The following FBXO31 variants were observed in gnomAD, a reference collection of about 807,000 sequenced individuals.
FBXO31 encodes F-box protein 31.
A neutral mutation model predicts 54.4 loss-of-function variants in FBXO31; 24 were observed. That is an observed-to-expected ratio of 0.44 (90% CI 0.32 to 0.62). FBXO31 has a LOEUF of 0.62. Ranked by LOEUF, FBXO31 falls within the 20% of genes least tolerant of loss-of-function variation. The pLI, the probability that FBXO31 is intolerant of heterozygous loss-of-function variation, is 0.05. For synonymous variants in FBXO31, 388 were observed against 335.6 expected, an observed-to-expected ratio of 1.16 and a Z score of -1.71; for missense variants, 665 against 787.1, an observed-to-expected ratio of 0.84 and a Z score of 1.86.
intron 1 of FBXO31, among the ~76,000 whole-genome samples, chr16:87,365,038 T>TATATATATATATATATATATATATATA (rs1031091236): frequency 9.0e-6 from 1 of 110,816 alleles, no homozygotes; most frequent in African/African-American, 3.4e-5. Flanking sequence ...TATATATATA[T>TATATATATATATATATATATATATATA]ATCAGGCAGG....
chr16:87,331,048 GC>G lies in FBXO31; in HGVS notation c.*239del. 3 of 507,226 alleles carry G rather than the reference GC, an allele frequency of 5.9e-6. No homozygotes were observed. In the South Asian group the frequency reaches 6.9e-5, roughly 12 times the overall value. 31.4% of individuals were successfully genotyped at this position (507,226 alleles called of 1,614,324 possible). A position where few individuals can be genotyped will look rare whatever the true frequency, so the allele number is the denominator to read the frequency against. ...TGTCCCCTACATCTGCTGTATTCAG[GC>G]TCGTTCTCTCTGTTTTTGGTAAGAC... On this transcript the variant is annotated 3_prime_UTR_variant, in exon 9 of 9. Coordinates refer to ENST00000311635, the MANE Select transcript of FBXO31 (RefSeq NM_024735.5).
chr16:87,360,179 T>C lies in FBXO31; in HGVS notation c.412+116A>G, dbSNP rs1906071215. 9.9e-6 allele frequency: 9 copies of C among 906,342 alleles called. No individual in the cohort carries two copies. The South Asian group carries it at 1.3e-4, about 13-fold the overall frequency. 56.1% of individuals were successfully genotyped at this position (906,342 alleles called of 1,614,324 possible). A position where few individuals can be genotyped will look rare whatever the true frequency, so the allele number is the denominator to read the frequency against. On this transcript the variant is annotated intron_variant, in intron 2 of 8. Coordinates refer to ENST00000311635, the MANE Select transcript of FBXO31 (RefSeq NM_024735.5). Reference sequence around the variant, plus strand: ...CTCTATTCAAAATGTGACTGTAAGATGGTGTCTGAGAAAACAAAAGTGTGG... The same window carrying C: ...CTCTATTCAAAATGTGACTGTAAGACGGTGTCTGAGAAAACAAAAGTGTGG...
At position 87,336,106 on chromosome 16, in the gene FBXO31, C is replaced by T. The variant is rs1226594277; in HGVS notation, c.842+49G>A. 6.5e-7 allele frequency: 1 copy of T among 1,528,092 alleles called. No homozygotes were observed. The highest frequency in any genetic ancestry group is 9.1e-7 in the Non-Finnish European group (1 of 1,104,272). 94.7% of individuals were successfully genotyped at this position (1,528,092 alleles called of 1,614,324 possible). A position where few individuals can be genotyped will look rare whatever the true frequency, so the allele number is the denominator to read the frequency against. The stretch of plus-strand genomic sequence containing the variant: ...CCACCGGGACAGGGCTGGTCCCCAG[C>T]ACACACCAGGAGAGGGCTACCCCAG... On this transcript the variant is annotated intron_variant, in intron 6 of 8. Transcript: ENST00000311635. This position sits in a 1 kb window ranked among gnomAD's most constrained non-coding sequence, Gnocchi z 6.5.
chr16:87,351,283 C>A (rs1905643609), intron 2 of FBXO31, among the ~76,000 whole-genome samples: 1 of 152,212 alleles, frequency 6.6e-6, no homozygotes, highest in African/African-American at 2.4e-5. Flanking sequence ...CAGAGCTGGA[C>A]ACGTACGAGT....
chr16:87,387,576 C>T (rs1379802287), upstream of FBXO31, among the ~76,000 whole-genome samples: 6 of 152,096 alleles, frequency 3.9e-5, no homozygotes, highest in African/African-American at 9.7e-5. Context: ...TTTGGGAGGC[C>T]GAGGCGGGTG....
Position 87,383,479 on chromosome 16 carries a change from C to G in FBXO31, c.266G>C (p.Ser89Thr), listed in dbSNP as rs1266013286. ...FASLPGTDLP[S>T]LAQVCTKFRR... ...GAACTTCGTGCAGACCTGGGCCAAG[C>G]TGGGTAGGTCCGTGCCCGGCAGCGA... Residue 89 changes from serine to threonine, a missense_variant, in exon 1 of 9, where the codon AGC becomes ACC. Transcript: ENST00000311635. This position sits in a 1 kb window ranked among gnomAD's most constrained non-coding sequence, Gnocchi z 4.9. 1 of 1,590,916 alleles carries G rather than the reference C, an allele frequency of 6.3e-7. No homozygotes were observed. Among genetic ancestry groups the G allele is most frequent in the African/African-American group, 1.4e-5 (1 of 72,150 alleles).
Position 87,333,886 on chromosome 16 carries a change from C to T in FBXO31, c.1397G>A (p.Cys466Tyr). 1.3e-6 allele frequency: 2 copies of T among 1,596,934 alleles called. No individual in the cohort carries two copies. The highest frequency in any genetic ancestry group is 1.7e-6 in the Non-Finnish European group (2 of 1,169,840). Residue 466 changes from cysteine to tyrosine, a missense_variant and splice_region_variant, in exon 8 of 9, where the codon TGT becomes TAT. Cys to Tyr is a radical substitution (Grantham distance 194). Coordinates refer to ENST00000311635, the MANE Select transcript of FBXO31 (RefSeq NM_024735.5). Reference sequence around the variant, plus strand: ...GCCCCAGTACCCGCCGCATCCTTACCACATCCTGCAGGTTCGGGGGTAGTC... The same window carrying T: ...GCCCCAGTACCCGCCGCATCCTTACTACATCCTGCAGGTTCGGGGGTAGTC... ...NEDYPRTCRM[C>Y]FYGTGLIAGH...
intron 1 of FBXO31, among the ~76,000 whole-genome samples, chr16:87,366,578 G>A (rs1003670083): frequency 6.6e-6 from 1 of 152,168 alleles, no homozygotes; most frequent in East Asian, 1.9e-4. Context: ...GGCATGCAGG[G>A]GTCACCTGGA....
intron 1 of FBXO31, among the ~76,000 whole-genome samples, chr16:87,380,039 C>CCTGT (rs1430195838): frequency 6.7e-6 from 1 of 148,532 alleles, no homozygotes; most frequent in Non-Finnish European, 1.5e-5. Context: ...GTGGCTCACG[C>CCTGT]CTGTAATCCC....
upstream of FBXO31, chr16:87,391,769 C>G (rs1252775776): frequency 2.0e-5 from 3 of 152,262 alleles, no homozygotes; most frequent in Admixed American, 2.0e-4. Flanking sequence ...GGACCACGCG[C>G]GCCCCTGCAC....
intron 1 of FBXO31, among the ~76,000 whole-genome samples, chr16:87,364,572 C>A (rs192267773): frequency 1.3e-5 from 2 of 152,236 alleles, no homozygotes; most frequent in Non-Finnish European, 2.9e-5. Context: ...GAGGCCTGGG[C>A]GGGGGCATCC....
rs548954511 is a variant in FBXO31, at chr16:87,373,627, CA to C, written c.340+9777del. On this transcript the variant is annotated intron_variant, in intron 1 of 8. Transcript: ENST00000311635. The stretch of plus-strand genomic sequence containing the variant: ...CACTGCAGCCTTGAACTCCTGGGCA[CA>C]AGCAATCCTCCAGCCTCCCTCAGCC... 5.3e-5 allele frequency among the ~76,000 whole-genome samples: 8 copies of C among 151,696 alleles called. No homozygotes were observed. The South Asian group carries it at 1.7e-3, about 32-fold the overall frequency.
intron 1 of FBXO31, among the ~76,000 whole-genome samples, chr16:87,374,240 C>G (rs1247909428): frequency 7.0e-6 from 1 of 142,494 alleles, no homozygotes. Context: ...CCTGTCTCCA[C>G]AAAAAGAAAA....
In FBXO31 at chr16:87,335,294, C is replaced by A; in HGVS notation, c.996+10G>T. On this transcript the variant is annotated intron_variant, in intron 7 of 8. Coordinates refer to ENST00000311635, the MANE Select transcript of FBXO31 (RefSeq NM_024735.5). The surrounding 1 kb of genome is among the most constrained non-coding windows in gnomAD (Gnocchi z 5.7). ...CCAGAGCCCCACCAACCAGGTCAGC[C>A]GCCACTCACCGTGATCTTGGTGCCC... The A allele has an allele frequency of 6.2e-7, 1 of 1,612,864 alleles. No homozygotes were observed. The highest frequency in any genetic ancestry group is 1.1e-5 in the South Asian group (1 of 91,066).
upstream of FBXO31, among the ~76,000 whole-genome samples, chr16:87,390,740 C>T (rs1017016556): frequency 1.2e-4 from 18 of 152,156 alleles, no homozygotes; most frequent in African/African-American, 3.9e-4. Context: ...GCACCTGGCG[C>T]GAGAAATATA....
intron 1 of FBXO31, among the ~76,000 whole-genome samples, chr16:87,373,155 C>T (rs1277740989): frequency 6.6e-6 from 1 of 152,070 alleles, no homozygotes; most frequent in African/African-American, 2.4e-5. Flanking sequence ...CAACACCCAG[C>T]CAATTCCTGA....
chr16:87,367,568 G>C (rs1323564640), intron 1 of FBXO31: 1 of 152,214 alleles, frequency 6.6e-6, no homozygotes, highest in Non-Finnish European at 1.5e-5. Flanking sequence ...AAAATCGTTA[G>C]TTACTGCATA....
chr16:87,366,891 C>A (rs1409891750), intron 1 of FBXO31, among the ~76,000 whole-genome samples: 1 of 152,146 alleles, frequency 6.6e-6, no homozygotes, highest in Non-Finnish European at 1.5e-5. Context: ...AAAAAAGAAA[C>A]AACAAGACGG....
chr16:87,344,863 A>G (rs1407983590), intron 3 of FBXO31, among the ~76,000 whole-genome samples: 33 of 148,416 alleles, frequency 2.2e-4, no homozygotes, highest in African/African-American at 6.7e-4. Context: ...CCTGGGGGCA[A>G]AACCCATCCC....
Sources: gnomAD v4.1 joint callset for allele counts (sites outside exome capture counted in the v4.1 genomes callset) on GRCh38, gnomAD v4.1.1 for gene constraint, Gnocchi (gnomAD v3.1) non-coding constraint, MANE v1.5 for transcripts, NCBI Gene and HGNC (gene_info 2026-07-23, HGNC 2026-07-21) for gene names.